TTLL1: variants seen among roughly 807,000 people sequenced by gnomAD.
TTLL1 encodes the protein polyglutamylase complex subunit TTLL1.
TTLL1 carries 33 observed loss-of-function variants against 47.8 expected under a neutral mutation model. The observed-to-expected ratio is 0.69, with a 90% CI of 0.52 to 0.92. TTLL1 has a LOEUF of 0.92. Among genes scored for constraint, TTLL1 ranks in the 40% least tolerant of loss-of-function variants. The pLI, the probability that TTLL1 is intolerant of heterozygous loss-of-function variation, is 0.00. For synonymous variants in TTLL1, 225 were observed against 214.1 expected, an observed-to-expected ratio of 1.05 and a Z score of -0.45; for missense variants, 488 against 547.5, an observed-to-expected ratio of 0.89 and a Z score of 1.08.
Position 43,069,712 on chromosome 22 carries a change from T to C in TTLL1, c.246A>G (p.Lys82=). The C allele has an allele frequency of 6.2e-7, 1 of 1,614,226 alleles. No individual in the cohort carries two copies. The highest frequency in any genetic ancestry group is 1.6e-4 in the Middle Eastern group (1 of 6,062). Residue 82 remains lysine (K), a synonymous_variant, in exon 4 of 11, where the codon AAA becomes AAG. Transcript: ENST00000266254. ...TRKDLMVKNI[K]RYRKELEKEG... Reference sequence around the variant, plus strand: ...CTTTCTCCAGCTCCTTCCTGTATCTTTTGATGTTCTTCACCATCAGGTCCT... The same window carrying C: ...CTTTCTCCAGCTCCTTCCTGTATCTCTTGATGTTCTTCACCATCAGGTCCT...
At chr22:43,089,125 G>T (rs919911530) in intron 1 of TTLL1, among the ~76,000 whole-genome samples, 152 bp downstream of exon 1, 2 of 152,332 alleles carry the variant, frequency 1.3e-5, no homozygotes, top group East Asian at 3.9e-4. Flanking sequence ...GCTTCCTGGA[G>T]GACGCGGATC....
Position 43,066,683 on chromosome 22 carries a change from TA to T in TTLL1, c.503+1726del, listed in dbSNP as rs34915225. On this transcript the variant is annotated intron_variant, in intron 5 of 10. Transcript: ENST00000266254. ...GTTGCAGTGAGCCATGATCCCGTCT[TA>T]AAAAAAAAAAAATTTTTTTTTAGGC... Among the ~76,000 whole-genome samples the T allele has an allele frequency of 5.3e-3, 767 of 145,936 alleles. 11 individuals carry two copies. The highest frequency in any genetic ancestry group is 0.017 in the African/African-American group (681 of 39,704).
chr22:43,073,069 C>T (rs1928233475), intron 3 of TTLL1, among the ~76,000 whole-genome samples: 1 of 151,038 alleles, frequency 6.6e-6, no homozygotes, highest in Admixed American at 6.6e-5. Flanking sequence ...GGCTGGAGTG[C>T]AGTGGTGCGA....
At chr22:43,062,163 A>C (rs1318052221) in intron 7 of TTLL1, among the ~76,000 whole-genome samples, 1 of 152,074 alleles carries the variant, frequency 6.6e-6, no homozygotes. Flanking sequence ...GGCTATGTCC[A>C]GATAAACCCA....
At chr22:43,054,303 G>A (rs893432567) in intron 8 of TTLL1, among the ~76,000 whole-genome samples, 7 of 152,124 alleles carry the variant, frequency 4.6e-5, no homozygotes, top group Non-Finnish European at 7.3e-5. Context: ...TTTTTCTGTC[G>A]AATCCTCTGT....
In TTLL1 at chr22:43,064,202, A is replaced by C; in HGVS notation, c.626T>G (p.Leu209Arg). 6.2e-7 allele frequency: 1 copy of C among 1,612,454 alleles called. No homozygotes were observed. Among genetic ancestry groups the C allele is most frequent in the Non-Finnish European group, 8.5e-7 (1 of 1,179,582 alleles). Residue 209 changes from leucine to arginine, a missense_variant, in exon 6 of 11, where the codon CTG becomes CGG. Leu to Arg is a moderately radical substitution (Grantham distance 102). Transcript: ENST00000266254. ...LYVLVSTYRP[L>R]RCYMYKLGFC... ...TAGGGACGCTTACATGTAACAGCGC[A>C]GTGGACGGTACGTGGACACCAGAAC...
At chr22:43,088,017 G>A (rs182277947) in intron 1 of TTLL1, among the ~76,000 whole-genome samples, 62 of 151,466 alleles carry the variant, frequency 4.1e-4, no homozygotes, top group Middle Eastern at 3.4e-3. Flanking sequence ...GCATGGTGGC[G>A]CGTGCCTGTA....
rs371940642 is a variant in TTLL1, at chr22:43,039,732, G to A, written c.*44C>T. Reference sequence around the variant, plus strand: ...AAATTTCAAAATAGGGCTTCAGCAGGGGCCCAGGTGGAGTGAGTAGTTTTG... The same window carrying A: ...AAATTTCAAAATAGGGCTTCAGCAGAGGCCCAGGTGGAGTGAGTAGTTTTG... On this transcript the variant is annotated 3_prime_UTR_variant, in exon 11 of 11. Coordinates refer to ENST00000266254, the MANE Select transcript of TTLL1 (RefSeq NM_012263.5). 4 of 1,521,154 alleles carry A rather than the reference G, an allele frequency of 2.6e-6. No homozygotes were observed. Among genetic ancestry groups the A allele is most frequent in the African/African-American group, 1.4e-5 (1 of 71,074 alleles). 94.2% of individuals were successfully genotyped at this position (1,521,154 alleles called of 1,614,324 possible).
intron 3 of TTLL1, among the ~76,000 whole-genome samples, chr22:43,072,154 C>CTTTT (rs60673775): frequency 2.9e-5 from 4 of 138,878 alleles, no homozygotes; most frequent in South Asian, 2.3e-4. Context: ...TTTTCTTTTT[C>CTTTT]TTTTTTTTTT....
chr22:43,080,902 C>CTTTTGTT (rs1928833697), intron 1 of TTLL1, among the ~76,000 whole-genome samples: 1 of 69,284 alleles, frequency 1.4e-5, no homozygotes, highest in Non-Finnish European at 2.6e-5. Flanking sequence ...TGTTGCATGA[C>CTTTTGTT]TTTTTTTTTT....
In TTLL1 at chr22:43,075,467, T is replaced by C. The variant is rs775896926; in HGVS notation, c.113+7A>G. The C allele has an allele frequency of 8.1e-6, 13 of 1,612,438 alleles. No homozygotes were observed. Among genetic ancestry groups the C allele is most frequent in the Non-Finnish European group, 9.3e-6 (11 of 1,178,420 alleles). On this transcript the variant is annotated splice_region_variant and intron_variant, in intron 3 of 10. Transcript: ENST00000266254. Reference sequence around the variant, plus strand: ...AGAAACAACCCAGCCCTGCTGTGTATGCTTACCAGTAAAAATTCCAGTCCT... The same window carrying C: ...AGAAACAACCCAGCCCTGCTGTGTACGCTTACCAGTAAAAATTCCAGTCCT...
chr22:43,077,982 C>G lies in TTLL1; in HGVS notation c.-5+1920G>C, dbSNP rs1569446567. 2.6e-5 allele frequency among the ~76,000 whole-genome samples: 4 copies of G among 151,812 alleles called. No individual in the cohort carries two copies. In the South Asian group the frequency reaches 8.3e-4, roughly 32 times the overall value. On this transcript the variant is annotated intron_variant, in intron 2 of 10. Coordinates refer to ENST00000266254, the MANE Select transcript of TTLL1 (RefSeq NM_012263.5). Reference sequence around the variant, plus strand: ...AATTAGCTGGGCGTGGTGGCATGCACCAATAGTCCCAGCTACTTGGGAAGC... The same window carrying G: ...AATTAGCTGGGCGTGGTGGCATGCAGCAATAGTCCCAGCTACTTGGGAAGC...
At chr22:43,053,229 C>T (rs537258288) in intron 8 of TTLL1, among the ~76,000 whole-genome samples, 70 of 152,148 alleles carry the variant, frequency 4.6e-4, no homozygotes, top group African/African-American at 1.1e-3. Flanking sequence ...AGCATAGAGA[C>T]GGGGTAGGGA....
intron 5 of TTLL1, among the ~76,000 whole-genome samples, chr22:43,066,585 G>C (rs528569078): frequency 6.6e-6 from 1 of 152,042 alleles, no homozygotes; most frequent in African/African-American, 2.4e-5. Flanking sequence ...AGCCAGGTGT[G>C]GTCGTGTGTA....
chr22:43,058,280 A>G (rs556422752), intron 8 of TTLL1, among the ~76,000 whole-genome samples: 1 of 152,264 alleles, frequency 6.6e-6, no homozygotes, highest in East Asian at 1.9e-4. Flanking sequence ...GCTGGTGCTC[A>G]TATGTTCATT....
Position 43,068,363 on chromosome 22 carries a change from G to A in TTLL1, c.503+47C>T, listed in dbSNP as rs372073939. On this transcript the variant is annotated intron_variant, in intron 5 of 10. Coordinates refer to ENST00000266254, the MANE Select transcript of TTLL1 (RefSeq NM_012263.5). ...ACAAAGACTGCGAACAGCATAAAACGGTGAACTGGGACCTGGCACACAAAG... is the reference window on the plus strand; with the variant it reads ...ACAAAGACTGCGAACAGCATAAAACAGTGAACTGGGACCTGGCACACAAAG... 5.5e-5 allele frequency: 77 copies of A among 1,408,244 alleles called. No homozygotes were observed. In the African/African-American group the frequency reaches 9.6e-4, roughly 18 times the overall value. 87.2% of individuals were successfully genotyped at this position (1,408,244 alleles called of 1,614,324 possible).
chr22:43,088,324 C>CTTT lies in TTLL1; in HGVS notation c.-90+950_-90+952dup, dbSNP rs1167618669. Among the ~76,000 whole-genome samples, 447 of 56,484 alleles carry CTTT rather than the reference C, an allele frequency of 7.9e-3. 72 individuals are homozygous for CTTT. Among genetic ancestry groups the CTTT allele is most frequent in the African/African-American group, 0.013 (182 of 13,652 alleles). The allele number at this position is 56,484 out of a possible 152,430, so 37.1% of individuals were successfully genotyped here. A position where few individuals can be genotyped will look rare whatever the true frequency, so the allele number is the denominator to read the frequency against. On this transcript the variant is annotated intron_variant, in intron 1 of 10. Coordinates refer to ENST00000266254, the MANE Select transcript of TTLL1 (RefSeq NM_012263.5). ...AATTTGAGGGCAGAGAAGGGCCCATCTTTTTTTTTTTTTTTTTTTTTTTTT... is the reference window on the plus strand; with the variant it reads ...AATTTGAGGGCAGAGAAGGGCCCATCTTTTTTTTTTTTTTTTTTTTTTTTTTTT...
intron 3 of TTLL1, among the ~76,000 whole-genome samples, chr22:43,074,443 A>G (rs935949611): frequency 5.3e-4 from 80 of 150,876 alleles, no homozygotes; most frequent in African/African-American, 1.3e-3. Context: ...AAAAAAAAAA[A>G]AAAGAAAGAA....
At position 43,063,212 on chromosome 22, in the gene TTLL1, C is replaced by T. The variant is rs1927499425; in HGVS notation, c.747+601G>A. On this transcript the variant is annotated intron_variant, in intron 7 of 10. Transcript: ENST00000266254. ...TTTTATAAATGGAGAAACCGAGGCT[C>T]TGAGAGTTACACTGACTTGCCCGAG... 2.0e-5 allele frequency among the ~76,000 whole-genome samples: 3 copies of T among 152,238 alleles called. No individual in the cohort carries two copies. The South Asian group carries it at 6.2e-4, about 32-fold the overall frequency.
Sources: allele counts gnomAD v4.1 joint callset (sites outside exome capture counted in the v4.1 genomes callset), GRCh38; gene constraint gnomAD v4.1.1; transcripts MANE v1.5; gene names NCBI Gene and HGNC (gene_info 2026-07-23, HGNC 2026-07-21).